The following MRPS6 variants were observed in gnomAD, a reference collection of about 807,000 sequenced individuals.
MRPS6 encodes small ribosomal subunit protein bS6m.
Under a neutral mutation model 13.1 loss-of-function variants are expected in MRPS6, and 6 were observed. The observed-to-expected ratio is 0.46, with a 90% CI of 0.25 to 0.91. The LOEUF (loss-of-function observed/expected upper bound fraction) is 0.91, where lower values mean the gene tolerates loss of function less well. MRPS6 is among the 40% of genes least tolerant of loss of function. The pLI, the probability that MRPS6 is intolerant of heterozygous loss-of-function variation, is 0.18. For missense variants in MRPS6, 164 were observed against 155.6 expected, an observed-to-expected ratio of 1.05 and a Z score of -0.29; for synonymous variants, 61 against 56.5, an observed-to-expected ratio of 1.08 and a Z score of -0.36.
chr21:34,079,269 T>C (rs936774130), intron 1 of MRPS6, among the ~76,000 whole-genome samples: 1 of 152,230 alleles, frequency 6.6e-6, no homozygotes, highest in Admixed American at 6.5e-5. Flanking sequence ...AAAGTTACAT[T>C]GGAACATGAC....
intron 2 of MRPS6, among the ~76,000 whole-genome samples, chr21:34,138,513 A>G (rs1275251723): frequency 6.6e-6 from 1 of 152,190 alleles, no homozygotes; most frequent in Admixed American, 6.5e-5. Flanking sequence ...AACCCCATCA[A>G]AAAGTGGGCA....
chr21:34,128,408 G>C (rs1034243823), intron 2 of MRPS6, among the ~76,000 whole-genome samples: 17 of 152,164 alleles, frequency 1.1e-4, no homozygotes, highest in Non-Finnish European at 2.4e-4. Context: ...TGCCCAGTAG[G>C]CTGGAAGAAA....
chr21:34,098,768 A>G (rs1979092574), intron 1 of MRPS6: 6 of 1,000,278 alleles, frequency 6.0e-6, no homozygotes, highest in East Asian at 1.1e-4. Flanking sequence ...GGTACAGGGT[A>G]CAAAAGATGT....
intron 1 of MRPS6, 32 bp downstream of exon 1, chr21:34,073,777 C>G (rs200947048): frequency 2.2e-5 from 32 of 1,450,372 alleles, no homozygotes; most frequent in East Asian, 6.2e-5. Context: ...CCGGTCTTCC[C>G]GCGCGGGCGC....
At chr21:34,105,575 G>C in intron 1 of MRPS6, 1 of 1,000,006 alleles carries the variant, frequency 1.0e-6, no homozygotes. Context: ...CAGATTTTTT[G>C]TAAGAGACCA....
chr21:34,107,103 T>C (rs1449759058), intron 1 of MRPS6, among the ~76,000 whole-genome samples: 1 of 152,196 alleles, frequency 6.6e-6, no homozygotes, highest in Non-Finnish European at 1.5e-5. Context: ...GGCTAATTTT[T>C]GTACTTTTAG....
In MRPS6 at chr21:34,125,325, A is replaced by G; in HGVS notation, c.46-16A>G. 6.2e-7 allele frequency: 1 copy of G among 1,601,578 alleles called. No individual in the cohort carries two copies. Among genetic ancestry groups the G allele is most frequent in the Non-Finnish European group, 8.5e-7 (1 of 1,176,546 alleles). On this transcript the variant is annotated splice_polypyrimidine_tract_variant and intron_variant, in intron 1 of 2. Coordinates refer to ENST00000399312, the MANE Select transcript of MRPS6 (RefSeq NM_032476.4). ...ATGCTTTTTTTTCTTTTCTTTAAAA[A>G]CACAAACAAAAACAGCCAGAGACTG...
intron 1 of MRPS6, among the ~76,000 whole-genome samples, chr21:34,111,580 T>C (rs1383087415): frequency 6.6e-6 from 1 of 152,216 alleles, no homozygotes; most frequent in Non-Finnish European, 1.5e-5. Flanking sequence ...CTTCACCATC[T>C]TGCTCTTCTG....
chr21:34,086,233 A>G (rs988384152), intron 1 of MRPS6, among the ~76,000 whole-genome samples: 1 of 151,522 alleles, frequency 6.6e-6, no homozygotes, highest in Non-Finnish European at 1.5e-5. Context: ...TTGTTTTGTA[A>G]GAGCACTTAA....
At chr21:34,124,354 G>A (rs1269572552) in intron 1 of MRPS6, 1 of 152,116 alleles carries the variant, frequency 6.6e-6, no homozygotes, top group Non-Finnish European at 1.5e-5. Context: ...GCAGTTTTCA[G>A]GCTTATCCTT....
chr21:34,073,965 C>T (rs1289190615), intron 1 of MRPS6, among the ~76,000 whole-genome samples: 1 of 145,802 alleles, frequency 6.9e-6, no homozygotes, highest in East Asian at 2.0e-4. Flanking sequence ...TGTGCCTGCG[C>T]GTGTGCGCGG....
At chr21:34,125,216 C>G (rs540604920) in intron 1 of MRPS6, 125 bp from the exon 2 acceptor site, 1 of 1,411,786 alleles carries the variant, frequency 7.1e-7, no homozygotes. Context: ...GCTTCTGTTG[C>G]TTTTACCCAG....
At chr21:34,103,910 G>T in intron 1 of MRPS6, 1 of 1,000,214 alleles carries the variant, frequency 1.0e-6, no homozygotes, top group South Asian at 4.7e-5. Context: ...AGGGACAGAT[G>T]TCTAGGTTTT....
intron 1 of MRPS6, among the ~76,000 whole-genome samples, chr21:34,081,053 A>T (rs201382432): frequency 6.6e-6 from 1 of 152,202 alleles, no homozygotes; most frequent in East Asian, 1.9e-4. Context: ...TTCTTTGGGA[A>T]GACTTGATAA....
chr21:34,134,465 A>G (rs528332558), intron 2 of MRPS6, among the ~76,000 whole-genome samples: 4 of 152,212 alleles, frequency 2.6e-5, no homozygotes, highest in Non-Finnish European at 4.4e-5. Context: ...CTGCCCATTC[A>G]GCTTCTAAAC....
At chr21:34,091,177 AGT>A (rs1180838706) in intron 1 of MRPS6, among the ~76,000 whole-genome samples, 3 of 152,082 alleles carry the variant, frequency 2.0e-5, no homozygotes, top group Non-Finnish European at 4.4e-5. Context: ...TTGTACCTTG[AGT>A]GTGTGGTTTG....
chr21:34,130,618 G>A (rs549714821), intron 2 of MRPS6, among the ~76,000 whole-genome samples: 2 of 152,290 alleles, frequency 1.3e-5, no homozygotes, highest in East Asian at 3.9e-4. Context: ...AGTGTCTTAA[G>A]AAATATAAAG....
intron 1 of MRPS6, among the ~76,000 whole-genome samples, chr21:34,116,076 T>C (rs1979888149): frequency 6.6e-6 from 1 of 152,084 alleles, no homozygotes; most frequent in South Asian, 2.1e-4. Context: ...GCCACAGTCA[T>C]GGCTCACTGC....
At chr21:34,103,520 G>T in intron 1 of MRPS6, 1 of 999,848 alleles carries the variant, frequency 1.0e-6, no homozygotes, top group Non-Finnish European at 1.2e-6. Flanking sequence ...TCGAGAACAG[G>T]TACGTGACAA....
Sources: allele counts gnomAD v4.1 joint callset (sites outside exome capture counted in the v4.1 genomes callset), GRCh38; gene constraint gnomAD v4.1.1; transcripts MANE v1.5; gene names NCBI Gene and HGNC (gene_info 2026-07-23, HGNC 2026-07-21).